The following XKR9 variants were observed in gnomAD, a reference collection of about 807,000 sequenced individuals.
XKR9 encodes XK related 9.
A neutral mutation model predicts 32.0 loss-of-function variants in XKR9; 32 were observed. The ratio of observed to expected loss-of-function variants is 1.00; its 90% CI spans 0.76 to 1.34. The LOEUF is 1.34. Among genes scored for constraint, XKR9 ranks in the 40% most tolerant of loss-of-function variants. The pLI is 0.00. For missense variants in XKR9, 546 were observed against 429.7 expected (o/e 1.27, Z -2.39); for synonymous variants, 168 against 143.4 (o/e 1.17, Z -1.22).
chr8:70,763,081 A>G (rs1172381546), intron 2 of XKR9, among the ~76,000 whole-genome samples: 3 of 152,192 alleles, frequency 2.0e-5, no homozygotes, highest in Non-Finnish European at 4.4e-5. Flanking sequence ...CCTACCATTT[A>G]TATGATCTAA....
the XKR9 span, among the ~76,000 whole-genome samples, chr8:70,935,072 A>G: frequency 6.7e-6 from 1 of 149,192 alleles, no homozygotes; most frequent in East Asian, 2.0e-4. Flanking sequence ...TTGGTTAGCT[A>G]TTTGATATAT....
At chr8:70,821,792 C>G in the XKR9 span, among the ~76,000 whole-genome samples, 2 of 152,220 alleles carry the variant, frequency 1.3e-5, no homozygotes, top group South Asian at 4.1e-4. Flanking sequence ...CTGCCCAAAA[C>G]AGCAAAGCCC....
chr8:70,788,246 A>G (rs988230288), intron 2 of XKR9, among the ~76,000 whole-genome samples: 3 of 152,106 alleles, frequency 2.0e-5, no homozygotes, highest in Non-Finnish European at 2.9e-5. Context: ...TGAATTGTGC[A>G]TAGCTCCATG....
At chr8:71,018,059 G>A in the XKR9 span, among the ~76,000 whole-genome samples, 23 of 152,238 alleles carry the variant, frequency 1.5e-4, no homozygotes, top group Admixed American at 3.3e-4. Flanking sequence ...CTTATATTTT[G>A]TGATGTGAAT....
chr8:70,861,071 T>C, the XKR9 span, among the ~76,000 whole-genome samples: 1 of 152,112 alleles, frequency 6.6e-6, no homozygotes, highest in Admixed American at 6.5e-5. Flanking sequence ...CTGAGAAAAA[T>C]GGACATATGC....
chr8:70,754,540 C>T (rs1807189322), intron 2 of XKR9, among the ~76,000 whole-genome samples: 1 of 120,764 alleles, frequency 8.3e-6, no homozygotes, highest in South Asian at 2.3e-4. Flanking sequence ...GTAACCAAAA[C>T]AGCATGGTAC....
the XKR9 span, among the ~76,000 whole-genome samples, chr8:70,882,196 T>C: frequency 8.5e-4 from 130 of 152,124 alleles, 1 homozygote; most frequent in Non-Finnish European, 1.5e-3. Flanking sequence ...ACCAACATGG[T>C]TCATGTATAC....
intron 4 of XKR9, among the ~76,000 whole-genome samples, chr8:70,710,017 A>G (rs902450496): frequency 4.6e-5 from 7 of 152,242 alleles, no homozygotes; most frequent in African/African-American, 1.7e-4. Flanking sequence ...AGCTGGAGGC[A>G]TCACACTATC....
the XKR9 span, among the ~76,000 whole-genome samples, chr8:70,928,388 C>T: frequency 6.6e-6 from 1 of 152,114 alleles, no homozygotes; most frequent in Non-Finnish European, 1.5e-5. Context: ...ACCCTGTGGT[C>T]TTGCCATAGC....
At chr8:70,975,867 T>C in the XKR9 span, among the ~76,000 whole-genome samples, 1 of 152,136 alleles carries the variant, frequency 6.6e-6, no homozygotes. Flanking sequence ...ATTCTTCCTA[T>C]CCATGAGCAT....
chr8:70,949,285 C>A, the XKR9 span, among the ~76,000 whole-genome samples: 37 of 152,022 alleles, frequency 2.4e-4, no homozygotes, highest in African/African-American at 8.7e-4. Flanking sequence ...CTTGTTGATG[C>A]TTTCTCTATT....
intron 2 of XKR9, among the ~76,000 whole-genome samples, chr8:70,750,800 T>C (rs1807128938): frequency 6.6e-6 from 1 of 152,250 alleles, no homozygotes; most frequent in Admixed American, 6.5e-5. Context: ...ACTTTTATCC[T>C]TTCTGTGATG....
intron 1 of XKR9, among the ~76,000 whole-genome samples, chr8:70,673,827 T>A (rs1818796612): frequency 6.6e-6 from 1 of 152,104 alleles, no homozygotes; most frequent in Non-Finnish European, 1.5e-5. Context: ...ACTTGAAGTT[T>A]AAGTTCCTCT....
At chr8:70,857,716 A>G in the XKR9 span, among the ~76,000 whole-genome samples, 9 of 152,358 alleles carry the variant, frequency 5.9e-5, no homozygotes, top group African/African-American at 2.2e-4. Context: ...AAAATCCTCA[A>G]TAAAATACTG....
chr8:70,826,584 C>T, the XKR9 span, among the ~76,000 whole-genome samples: 1 of 152,072 alleles, frequency 6.6e-6, no homozygotes, highest in Non-Finnish European at 1.5e-5. Context: ...TATGTTACTT[C>T]CTTTAAGAAT....
chr8:70,952,545 T>C, the XKR9 span, among the ~76,000 whole-genome samples: 1 of 152,166 alleles, frequency 6.6e-6, no homozygotes, highest in Admixed American at 6.5e-5. Flanking sequence ...TTTACTTTAG[T>C]GCATCTCTGT....
At chr8:70,989,321 A>G in the XKR9 span, among the ~76,000 whole-genome samples, 1 of 152,256 alleles carries the variant, frequency 6.6e-6, no homozygotes, top group Non-Finnish European at 1.5e-5. Flanking sequence ...TTAATAAATC[A>G]ATTCGAAATA....
At chr8:70,798,131 C>T in the XKR9 span, among the ~76,000 whole-genome samples, 11 of 152,196 alleles carry the variant, frequency 7.2e-5, no homozygotes, top group Non-Finnish European at 1.6e-4. Context: ...AATTGCCACA[C>T]TGCTTTCCAC....
chr8:70,859,927 A>G, the XKR9 span, among the ~76,000 whole-genome samples: 1,472 of 152,232 alleles, frequency 9.7e-3, 22 homozygotes, highest in African/African-American at 0.034. Flanking sequence ...TCAATACCAG[A>G]GTAGGGTCAC....
Sources: gnomAD v4.1 joint callset for allele counts (sites outside exome capture counted in the v4.1 genomes callset) on GRCh38, gnomAD v4.1.1 for gene constraint, MANE v1.5 for transcripts, NCBI Gene and HGNC (gene_info 2026-07-23, HGNC 2026-07-21) for gene names.